The following SMG7 variants were observed in gnomAD, a reference collection of about 807,000 sequenced individuals.
SMG7 encodes nonsense-mediated mRNA decay factor SMG7.
A neutral mutation model predicts 148.2 loss-of-function variants in SMG7; 34 were observed. That is an observed-to-expected ratio of 0.23 (90% CI 0.17 to 0.31). The LOEUF is 0.31. Ranked by LOEUF, SMG7 falls within the 10% of genes least tolerant of loss-of-function variation. The pLI, the probability that SMG7 is intolerant of heterozygous loss-of-function variation, is 1.00. For missense variants in SMG7, 1,114 were observed against 1,408.4 expected, an observed-to-expected ratio of 0.79 and a Z score of 3.35; for synonymous variants, 492 against 515.1, an observed-to-expected ratio of 0.96 and a Z score of 0.61.
chr1:183,534,347 T>C (rs1667367612), intron 10 of SMG7, among the ~76,000 whole-genome samples: 1 of 152,242 alleles, frequency 6.6e-6, no homozygotes, highest in South Asian at 2.1e-4. Flanking sequence ...TGACAGCTCT[T>C]AGGAACCATT....
chr1:183,551,007 A>G (rs1558074139), intron 21 of SMG7, 38 bp from the exon 22 acceptor site: 2 of 1,613,810 alleles, frequency 1.2e-6, no homozygotes, highest in East Asian at 2.2e-5. Flanking sequence ...GTGATAGAAC[A>G]TCTTCTTGAA....
At chr1:183,490,686 ATATATT>A (rs1656730992) in intron 1 of SMG7, among the ~76,000 whole-genome samples, 2 of 152,196 alleles carry the variant, frequency 1.3e-5, no homozygotes, top group Admixed American at 1.3e-4. Context: ...ATGTAATAAA[ATATATT>A]TATTTTAAAT....
At chr1:183,502,423 GTTTTTA>G in intron 1 of SMG7, 2 of 1,497,920 alleles carry the variant, frequency 1.3e-6, no homozygotes, top group Admixed American at 2.0e-5. Context: ...ATTTCTACAT[GTTTTTA>G]TTCCTTTTGG....
At chr1:183,509,581 A>T (rs891001676) in intron 1 of SMG7, among the ~76,000 whole-genome samples, 6 of 152,004 alleles carry the variant, frequency 3.9e-5, no homozygotes, top group African/African-American at 7.2e-5. Context: ...GTCTTTATCA[A>T]TTCAATTTAG....
In SMG7 at chr1:183,551,926, C is replaced by T. The variant is rs1671137102; in HGVS notation, c.3559C>T (p.His1187Tyr). Residue 1187 changes from histidine to tyrosine, a missense_variant, in exon 23 of 23, where the codon CAC becomes TAC. Transcript: ENST00000688051. ...GGGACAAGGCACCATGAACCCTCCACACTGAGGCCAAAGTGGCAACCTGGG... is the reference window on the plus strand; with the variant it reads ...GGGACAAGGCACCATGAACCCTCCATACTGAGGCCAAAGTGGCAACCTGGG... ...QRGQGTMNPP[H>Y] 1 of 1,613,474 alleles carries T rather than the reference C, an allele frequency of 6.2e-7. No homozygotes were observed. The highest frequency in any genetic ancestry group is 2.2e-5 in the East Asian group (1 of 44,820).
Position 183,553,166 on chromosome 1 carries a change from C to T in SMG7, c.*1235C>T, listed in dbSNP as rs867787803. On this transcript the variant is annotated 3_prime_UTR_variant, in exon 23 of 23. Coordinates refer to ENST00000688051, the MANE Select transcript of SMG7 (RefSeq NM_001375584.1). The stretch of plus-strand genomic sequence containing the variant: ...TCAGGCACAGAAGAAAACACGACGT[C>T]GTCCATTTTGGAAGAGACGAAAGAA... 8 of 1,536,262 alleles carry T rather than the reference C, an allele frequency of 5.2e-6. No individual in the cohort carries two copies. In the African/African-American group the frequency reaches 5.5e-5, roughly 11 times the overall value.
chr1:183,474,454 C>A (rs961692898), intron 1 of SMG7, among the ~76,000 whole-genome samples: 1 of 152,166 alleles, frequency 6.6e-6, no homozygotes, highest in Non-Finnish European at 1.5e-5. Context: ...ATGCCGGCTA[C>A]TCGGGAGGCT....
At chr1:183,505,914 T>C (rs1660787830) in intron 1 of SMG7, among the ~76,000 whole-genome samples, 1 of 152,236 alleles carries the variant, frequency 6.6e-6, no homozygotes, top group Non-Finnish European at 1.5e-5. Flanking sequence ...GTAATCTTTC[T>C]AAAATGTAAA....
chr1:183,478,036 A>C (rs2102037743), intron 1 of SMG7, among the ~76,000 whole-genome samples: 1 of 152,310 alleles, frequency 6.6e-6, no homozygotes, highest in Middle Eastern at 3.4e-3. Flanking sequence ...ACAGAGAGAT[A>C]GTGGAGATAA....
intron 1 of SMG7, among the ~76,000 whole-genome samples, chr1:183,473,273 G>A (rs1044072675): frequency 6.6e-6 from 1 of 152,006 alleles, no homozygotes; most frequent in East Asian, 1.9e-4. Flanking sequence ...AAAGAGGGAG[G>A]CACTGTGGAC....
chr1:183,493,999 C>T (rs4047762), intron 1 of SMG7, among the ~76,000 whole-genome samples: 77,725 of 151,664 alleles, frequency 0.51, 20,024 homozygotes, highest in East Asian at 0.65. Context: ...TTCTTTTTTG[C>T]TTGTTTGAAA....
chr1:183,505,231 C>T (rs774304863), intron 1 of SMG7, among the ~76,000 whole-genome samples: 6 of 152,174 alleles, frequency 3.9e-5, no homozygotes, highest in Non-Finnish European at 8.8e-5. Context: ...CCTCAACCTC[C>T]TGCATCCTGA....
intron 4 of SMG7, among the ~76,000 whole-genome samples, chr1:183,520,386 C>G (rs1296502874): frequency 6.6e-6 from 1 of 152,042 alleles, no homozygotes; most frequent in Non-Finnish European, 1.5e-5. Context: ...TCAATCACTG[C>G]TTTCAACTAT....
At chr1:183,472,678 G>C in intron 1 of SMG7, 29 bp downstream of exon 1, 3 of 1,459,470 alleles carry the variant, frequency 2.1e-6, no homozygotes, top group Non-Finnish European at 2.7e-6. Context: ...CTGGTACGTA[G>C]GGGGAGCGGG....
chr1:183,549,747 A>C lies in SMG7; in HGVS notation c.2974-17A>C. 1 of 1,609,082 alleles carries C rather than the reference A, an allele frequency of 6.2e-7. No individual in the cohort carries two copies. ...TTCCTTGGGGTGAGTTTATAACTTC[A>C]CTGTCATGTCTTTCAGGAAAGATAC... On this transcript the variant is annotated splice_polypyrimidine_tract_variant and intron_variant, in intron 19 of 22. Coordinates refer to ENST00000688051, the MANE Select transcript of SMG7 (RefSeq NM_001375584.1).
Position 183,549,918 on chromosome 1 carries a change from G to C in SMG7, c.3128G>C (p.Ser1043Thr), listed in dbSNP as rs370728254. 1 of 1,612,100 alleles carries C rather than the reference G, an allele frequency of 6.2e-7. No individual in the cohort carries two copies. The highest frequency in any genetic ancestry group is 1.7e-5 in the Admixed American group (1 of 59,960). The change falls in exon 20 of 23, where the codon AGT (serine) becomes ACT (threonine). Residue 1043 changes from serine (S) to threonine (T), a missense_variant. Around this residue, in one of 4 missense-constraint regions of SMG7, gnomAD observed 788 missense variants for 894.5 expected, o/e 0.88. Transcript: ENST00000688051. ...CCGTGGTCTCCATCACTTCCTGCCA[G>C]TTCAGGTATTAACTACTCTTTAAAT... Reference protein sequence around the residue: ...GTPWSPSLPASSDHSTPASQS... With the variant: ...GTPWSPSLPATSDHSTPASQS...
At chr1:183,519,271 A>G (rs1241796397) in intron 4 of SMG7, among the ~76,000 whole-genome samples, 2 of 152,222 alleles carry the variant, frequency 1.3e-5, no homozygotes, top group Non-Finnish European at 1.5e-5. Flanking sequence ...AGACTAAAAC[A>G]TTCATCACAG....
intron 1 of SMG7, among the ~76,000 whole-genome samples, chr1:183,497,600 T>A (rs1344372182): frequency 6.6e-6 from 1 of 152,154 alleles, no homozygotes; most frequent in Non-Finnish European, 1.5e-5. Flanking sequence ...GATGGAGTCT[T>A]GTTCTGTGGC....
intron 5 of SMG7, 22 bp downstream of exon 5, chr1:183,526,789 A>G: frequency 6.3e-7 from 1 of 1,585,428 alleles, no homozygotes; most frequent in Non-Finnish European, 8.6e-7. Context: ...CTGTGAAGGA[A>G]TTGATAATAT....
Sources: gnomAD v4.1 joint callset for allele counts (sites outside exome capture counted in the v4.1 genomes callset) on GRCh38, gnomAD v4.1.1 for gene constraint, gnomAD v4.1.1 regional missense constraint, MANE v1.5 for transcripts, NCBI Gene and HGNC (gene_info 2026-07-23, HGNC 2026-07-21) for gene names.